The following DMD variants were observed in gnomAD, a reference collection of about 807,000 sequenced individuals.
DMD encodes mutant dystrophin.
In DMD, 63 loss-of-function variants were observed where a neutral mutation model predicts 330.1. That is an observed-to-expected ratio of 0.19 (90% CI 0.16 to 0.24). The LOEUF (loss-of-function observed/expected upper bound fraction) is 0.24, where lower values mean the gene tolerates loss of function less well. Ranked by LOEUF, DMD falls within the 10% of genes least tolerant of loss-of-function variation. DMD has a pLI of 1.00. For missense variants in DMD, 3,344 were observed against 2,684.1 expected (o/e 1.25, Z -5.43); for synonymous variants, 1,223 against 959.8 (o/e 1.27, Z -5.07).
chrX:33,132,516 CTTTG>C (rs777659453), intron 1 of DMD, among the ~76,000 whole-genome samples: 10 of 112,401 alleles, frequency 8.9e-5, no homozygotes, highest in Non-Finnish European at 1.7e-4. Flanking sequence ...GAGGATGCCT[CTTTG>C]TTTAATTTTC....
intron 42 of DMD, among the ~76,000 whole-genome samples, chrX:32,294,853 T>A (rs757285901): frequency 4.5e-5 from 5 of 111,609 alleles, no homozygotes; most frequent in Admixed American, 2.9e-4. Context: ...AGATGAGATC[T>A]CTGATAGTAT....
intron 2 of DMD, among the ~76,000 whole-genome samples, chrX:32,928,389 G>A (rs989787572): frequency 5.4e-5 from 6 of 110,296 alleles, no homozygotes; most frequent in African/African-American, 2.0e-4. Flanking sequence ...GAAAGCTGTT[G>A]TTTATATTTT....
chrX:33,324,895 A>T (rs2054068218), intron 1 of DMD, among the ~76,000 whole-genome samples: 1 of 111,414 alleles, frequency 9.0e-6, no homozygotes. Flanking sequence ...GATTGTGGTT[A>T]TATCTTCCAC....
At chrX:31,754,998 AT>A (rs2088936464) in intron 51 of DMD, among the ~76,000 whole-genome samples, 1 of 111,869 alleles carries the variant, frequency 8.9e-6, no homozygotes, top group Non-Finnish European at 1.9e-5. Flanking sequence ...TTAATTACAT[AT>A]GTTTTTATAT....
At chrX:31,141,446 T>C (rs2036035662) in intron 76 of DMD, among the ~76,000 whole-genome samples, 1 of 112,250 alleles carries the variant, frequency 8.9e-6, no homozygotes, top group Non-Finnish European at 1.9e-5. Flanking sequence ...TTCTGGAAGA[T>C]AGCTTAGAAA....
At chrX:31,790,343 G>A (rs1328901469) in intron 50 of DMD, among the ~76,000 whole-genome samples, 1 of 111,287 alleles carries the variant, frequency 9.0e-6, no homozygotes, top group Non-Finnish European at 1.9e-5. Context: ...GACAATGGGG[G>A]CCTGTGGCTA....
intron 2 of DMD, among the ~76,000 whole-genome samples, chrX:32,973,805 C>T (rs192887794): frequency 1.3e-3 from 149 of 111,566 alleles, no homozygotes; most frequent in Non-Finnish European, 1.5e-3. Context: ...AGTGGGATAC[C>T]CTGCCAATAT....
rs368626085 is a variant in DMD, at chrX:32,786,722, A to G, written c.649+22771T>C. Among the ~76,000 whole-genome samples, 9 of 112,035 alleles carry G rather than the reference A, an allele frequency of 8.0e-5. No individual in the cohort carries two copies. The East Asian group carries it at 2.0e-3, about 25-fold the overall frequency. On this transcript the variant is annotated intron_variant, in intron 7 of 78. Coordinates refer to ENST00000357033, the MANE Select transcript of DMD (RefSeq NM_004006.3). ...AATGCAAAGAAAATATTCATGGAAG[A>G]AGAGAGGAATATTCTGCCATAAGAT... is the stretch of plus-strand genomic sequence containing the variant.
intron 17 of DMD, among the ~76,000 whole-genome samples, chrX:32,544,293 G>A (rs1425187059): frequency 2.7e-5 from 3 of 111,295 alleles, no homozygotes; most frequent in African/African-American, 9.8e-5. Flanking sequence ...TTTTTTCTTA[G>A]AACATCTGAC....
intron 61 of DMD, among the ~76,000 whole-genome samples, chrX:31,332,768 T>A (rs1469488617): frequency 8.9e-6 from 1 of 112,398 alleles, no homozygotes; most frequent in East Asian, 2.8e-4. Context: ...CGGGTTAATC[T>A]ATGCAAAATG....
Position 32,377,828 on chromosome X carries a change from A to G in DMD, c.4845+2682T>C, listed in dbSNP as rs747305525. On this transcript the variant is annotated intron_variant, in intron 34 of 78. Coordinates refer to ENST00000357033, the MANE Select transcript of DMD (RefSeq NM_004006.3). ...TCATAAATATATACACCCAGTATGT[A>G]TCCATACAAAATTAAAAATTAATAA... Among the ~76,000 whole-genome samples, 5 of 111,260 alleles carry G rather than the reference A, an allele frequency of 4.5e-5. 1 individual carries two copies. The highest frequency in any genetic ancestry group is 1.3e-4 in the African/African-American group (4 of 30,716).
chrX:31,867,865 A>G (rs1050204431), intron 48 of DMD, among the ~76,000 whole-genome samples: 23 of 101,533 alleles, frequency 2.3e-4, no homozygotes, highest in African/African-American at 7.9e-4. Flanking sequence ...GGCACCAGGG[A>G]AAAAAAAAAT....
chrX:31,610,435 G>C (rs2077846907), intron 55 of DMD, among the ~76,000 whole-genome samples: 1 of 111,420 alleles, frequency 9.0e-6, no homozygotes, highest in African/African-American at 3.3e-5. Context: ...TCAGGGGTGG[G>C]TAATAACTCT....
chrX:32,828,768 G>T (rs1488456237), intron 4 of DMD, among the ~76,000 whole-genome samples: 1 of 110,410 alleles, frequency 9.1e-6, no homozygotes, highest in South Asian at 3.8e-4. Context: ...TATAAGAATA[G>T]GCTCTTCTCT....
In DMD at chrX:31,182,727, G is replaced by C; in HGVS notation, c.9974+11C>G. On this transcript the variant is annotated intron_variant, in intron 68 of 78. Transcript: ENST00000357033. ...AGAAAAAAATGACATTTTTTTTTTGGTTCCTAATACCTGAATCCAATGATT... is the reference window on the plus strand; with the variant it reads ...AGAAAAAAATGACATTTTTTTTTTGCTTCCTAATACCTGAATCCAATGATT... 2.5e-6 allele frequency: 3 copies of C among 1,194,018 alleles called. No individual in the cohort carries two copies. Among genetic ancestry groups the C allele is most frequent in the African/African-American group, 1.8e-5 (1 of 56,301 alleles).
chrX:31,496,144 C>A (rs1345407154), intron 57 of DMD, among the ~76,000 whole-genome samples: 1 of 111,891 alleles, frequency 8.9e-6, no homozygotes, highest in Non-Finnish European at 1.9e-5. Context: ...TCTGTAATTA[C>A]TTCCAAACAA....
intron 44 of DMD, among the ~76,000 whole-genome samples, chrX:32,072,826 T>C (rs1301921339): frequency 2.7e-5 from 3 of 111,977 alleles, no homozygotes; most frequent in African/African-American, 9.7e-5. Context: ...CTTTAACATC[T>C]AGTTTTATTT....
At chrX:31,719,896 C>T (rs1182843537) in intron 52 of DMD, among the ~76,000 whole-genome samples, 1 of 111,677 alleles carries the variant, frequency 9.0e-6, no homozygotes, top group Admixed American at 9.5e-5. Context: ...CAGCCCCAGT[C>T]AAGCCATCAT....
chrX:31,615,560 T>A (rs1027419512), intron 55 of DMD, among the ~76,000 whole-genome samples: 10 of 111,810 alleles, frequency 8.9e-5, no homozygotes, highest in Non-Finnish European at 1.9e-4. Context: ...ATTTTCAGTA[T>A]AATATGTTTG....
Sources: allele counts gnomAD v4.1 joint callset (sites outside exome capture counted in the v4.1 genomes callset), GRCh38; gene constraint gnomAD v4.1.1; transcripts MANE v1.5; gene names NCBI Gene and HGNC (gene_info 2026-07-23, HGNC 2026-07-21).